SGCZ: variants seen among roughly 807,000 people sequenced by gnomAD.
The protein encoded by SGCZ is sarcoglycan zeta, also known as zeta-sarcoglycan.
SGCZ carries 40 observed loss-of-function variants against 41.3 expected under a neutral mutation model. The ratio of observed to expected loss-of-function variants is 0.97; its 90% CI spans 0.75 to 1.26. The LOEUF is 1.26. SGCZ is among the 50% of genes most tolerant of loss of function. The pLI is 0.00. For synonymous variants in SGCZ, 206 were observed against 137.5 expected, an observed-to-expected ratio of 1.50 and a Z score of -3.49; for missense variants, 552 against 369.8, an observed-to-expected ratio of 1.49 and a Z score of -4.04.
chr8:14,679,405 GA>G (rs1808371761), intron 1 of SGCZ, among the ~76,000 whole-genome samples: 1 of 151,806 alleles, frequency 6.6e-6, no homozygotes, highest in Non-Finnish European at 1.5e-5. Context: ...TGTACAGGGG[GA>G]AGACAGTGAC....
chr8:14,555,206 G>T (rs918832137), intron 1 of SGCZ, among the ~76,000 whole-genome samples: 1 of 151,762 alleles, frequency 6.6e-6, no homozygotes, highest in African/African-American at 2.4e-5. Context: ...TTTTCCCTTG[G>T]GAGGCTCAGG....
intron 1 of SGCZ, among the ~76,000 whole-genome samples, chr8:14,860,341 C>G (rs1019425577): frequency 6.6e-6 from 1 of 151,848 alleles, no homozygotes; most frequent in Non-Finnish European, 1.5e-5. Context: ...TGCATCACCA[C>G]CATCTAGTGT....
At chr8:14,546,149 A>C (rs1803618751) in intron 2 of SGCZ, among the ~76,000 whole-genome samples, 1 of 152,130 alleles carries the variant, frequency 6.6e-6, no homozygotes, top group South Asian at 2.1e-4. Context: ...TACTCTCATC[A>C]ATCCTGTAAT....
At chr8:14,478,020 C>G (rs865882267) in intron 2 of SGCZ, among the ~76,000 whole-genome samples, 2 of 152,182 alleles carry the variant, frequency 1.3e-5, no homozygotes, top group African/African-American at 4.8e-5. Flanking sequence ...GAAGAAGGAA[C>G]CTGATGAATA....
chr8:15,039,705 T>C (rs1056583542), intron 1 of SGCZ, among the ~76,000 whole-genome samples: 1 of 152,230 alleles, frequency 6.6e-6, no homozygotes, highest in Non-Finnish European at 1.5e-5. Context: ...CTGACTATGA[T>C]ATTTTTTAAA....
intron 1 of SGCZ, among the ~76,000 whole-genome samples, chr8:14,558,408 C>T (rs554511758): frequency 6.6e-6 from 1 of 152,034 alleles, no homozygotes; most frequent in East Asian, 1.9e-4. Context: ...AATCCCATCT[C>T]TACCAAAAAT....
chr8:14,394,668 A>C (rs10090856), intron 2 of SGCZ, among the ~76,000 whole-genome samples: 1 of 152,052 alleles, frequency 6.6e-6, no homozygotes, highest in East Asian at 1.9e-4. Flanking sequence ...GAAATGACAA[A>C]GGCCTAAACT....
At chr8:14,401,517 TGTGA>T (rs1244312127) in intron 2 of SGCZ, among the ~76,000 whole-genome samples, 2 of 145,510 alleles carry the variant, frequency 1.4e-5, no homozygotes, top group African/African-American at 2.6e-5. Flanking sequence ...AGTTCCCACC[TGTGA>T]GTGAGAATAT....
intron 1 of SGCZ, among the ~76,000 whole-genome samples, chr8:14,630,488 G>C (rs1374567221): frequency 6.6e-6 from 1 of 152,010 alleles, no homozygotes; most frequent in East Asian, 1.9e-4. Flanking sequence ...TCTAGAACTA[G>C]AAATACCATT....
chr8:14,715,464 G>A (rs1191190099), intron 1 of SGCZ, among the ~76,000 whole-genome samples: 1 of 151,844 alleles, frequency 6.6e-6, no homozygotes, highest in African/African-American at 2.4e-5. Flanking sequence ...AAGGTTGCAT[G>A]TACCATAACT....
chr8:14,746,726 A>G (rs1014286626), intron 1 of SGCZ, among the ~76,000 whole-genome samples: 2 of 152,164 alleles, frequency 1.3e-5, no homozygotes, highest in African/African-American at 4.8e-5. Flanking sequence ...AAGTCTCTAA[A>G]CACAACCCCT....
chr8:14,205,753 T>C (rs941296550), intron 4 of SGCZ, among the ~76,000 whole-genome samples: 5 of 152,174 alleles, frequency 3.3e-5, no homozygotes, highest in African/African-American at 1.2e-4. Context: ...ATAATAATTT[T>C]ATGTTATTTT....
intron 1 of SGCZ, among the ~76,000 whole-genome samples, chr8:15,153,056 C>T (rs1417376100): frequency 1.3e-5 from 2 of 152,146 alleles, no homozygotes; most frequent in African/African-American, 2.4e-5. Flanking sequence ...ATAACTTAAC[C>T]AGAGTTTCTC....
At chr8:14,718,730 A>C (rs1809779714) in intron 1 of SGCZ, among the ~76,000 whole-genome samples, 1 of 151,840 alleles carries the variant, frequency 6.6e-6, no homozygotes, top group Admixed American at 6.6e-5. Context: ...CCTGATCCAT[A>C]TTATCCTAAG....
intron 1 of SGCZ, among the ~76,000 whole-genome samples, chr8:14,983,799 C>A (rs964875077): frequency 1.3e-5 from 2 of 152,148 alleles, no homozygotes; most frequent in African/African-American, 4.8e-5. Flanking sequence ...TTTCTACTGC[C>A]TGAGCTCCTC....
intron 4 of SGCZ, among the ~76,000 whole-genome samples, chr8:14,212,059 G>A (rs1450962110): frequency 6.6e-6 from 1 of 152,044 alleles, no homozygotes; most frequent in Non-Finnish European, 1.5e-5. Flanking sequence ...ATGATTTTGA[G>A]TTCTCTCTTC....
At chr8:14,281,012 T>A (rs1380575562) in intron 3 of SGCZ, among the ~76,000 whole-genome samples, 1 of 151,852 alleles carries the variant, frequency 6.6e-6, no homozygotes, top group Admixed American at 6.6e-5. Flanking sequence ...TCAGACAAAT[T>A]TATTTCCCTG....
At chr8:14,264,203 A>G (rs942523098) in intron 3 of SGCZ, among the ~76,000 whole-genome samples, 1 of 152,210 alleles carries the variant, frequency 6.6e-6, no homozygotes, top group Non-Finnish European at 1.5e-5. Context: ...AGCCATGGTG[A>G]CTGTGGGAAT....
At chr8:15,133,302 C>T (rs1807982495) in intron 1 of SGCZ, among the ~76,000 whole-genome samples, 2 of 152,116 alleles carry the variant, frequency 1.3e-5, no homozygotes, top group African/African-American at 4.8e-5. Flanking sequence ...AAATGTAACA[C>T]AAGTATTAGC....
Sources: allele counts gnomAD v4.1 joint callset (sites outside exome capture counted in the v4.1 genomes callset), GRCh38; gene constraint gnomAD v4.1.1; transcripts MANE v1.5; gene names NCBI Gene and HGNC (gene_info 2026-07-23, HGNC 2026-07-21).